The following TRPM2 variants were observed in gnomAD, a reference collection of about 807,000 sequenced individuals.
TRPM2 encodes the protein estrogen-responsive element-associated gene 1 protein.
TRPM2 carries 161 observed loss-of-function variants against 174.0 expected under a neutral mutation model. That is an observed-to-expected ratio of 0.93 (90% CI 0.81 to 1.05). The LOEUF is 1.05. TRPM2 is among the 50% of genes least tolerant of loss of function. The pLI is 0.00. For synonymous variants in TRPM2, 954 were observed against 861.3 expected (o/e 1.11, Z -1.88); for missense variants, 2,057 against 2,038.0 (o/e 1.01, Z -0.18).
At chr21:44,411,110 G>A (rs1318386433) in intron 19 of TRPM2, among the ~76,000 whole-genome samples, 1 of 152,142 alleles carries the variant, frequency 6.6e-6, no homozygotes, top group Non-Finnish European at 1.5e-5. Context: ...ATTCGGAAGT[G>A]TGAGTCCTAA....
In TRPM2 at chr21:44,367,912, C is replaced by T. The variant is rs899947864; in HGVS notation, c.604+978C>T. On this transcript the variant is annotated intron_variant, in intron 4 of 31. Transcript: ENST00000397928. The surrounding 1 kb of genome is among the most constrained non-coding windows in gnomAD (Gnocchi z 4.6). Reference sequence around the variant, plus strand: ...CCTGGTCACATGGGACTGGGTTTAACGCAGGTCACCATCCCACAGGCTCTT... The same window carrying T: ...CCTGGTCACATGGGACTGGGTTTAATGCAGGTCACCATCCCACAGGCTCTT... 1.3e-5 allele frequency among the ~76,000 whole-genome samples: 2 copies of T among 152,204 alleles called. No individual in the cohort carries two copies. Among genetic ancestry groups the T allele is most frequent in the Non-Finnish European group, 1.5e-5 (1 of 68,038 alleles).
intron 19 of TRPM2, among the ~76,000 whole-genome samples, chr21:44,407,772 C>T (rs996087415): frequency 1.4e-4 from 21 of 151,694 alleles, no homozygotes; most frequent in African/African-American, 3.1e-4. Flanking sequence ...ATTTACTTCC[C>T]GTTTATGGCT....
At chr21:44,419,242 C>A (rs2050425028) in intron 22 of TRPM2, among the ~76,000 whole-genome samples, 1 of 152,134 alleles carries the variant, frequency 6.6e-6, no homozygotes, top group African/African-American at 2.4e-5. Flanking sequence ...TGTGGAGGCT[C>A]CTGCAGCCAC....
chr21:44,355,142 T>A (rs2048018671), intron 2 of TRPM2, among the ~76,000 whole-genome samples: 1 of 152,126 alleles, frequency 6.6e-6, no homozygotes. Flanking sequence ...GCCAGAAGAC[T>A]GCCCCCCTGC....
In TRPM2 at chr21:44,375,874, A is replaced by G; in HGVS notation, c.813A>G (p.Gln271=). 1.9e-6 allele frequency: 3 copies of G among 1,614,036 alleles called. No homozygotes were observed. The highest frequency in any genetic ancestry group is 1.7e-6 in the Non-Finnish European group (2 of 1,179,998). The change falls in exon 6 of 32, where the codon CAA becomes CAG. Residue 271 remains glutamine (Q), a synonymous_variant. Transcript: ENST00000397928. ...AGTACATACTGGATGAGGATGGCCA[A>G]GGGAACCTGACCTGCCTAGACAGCA... ...PAEYILDEDG[Q]GNLTCLDSNH...
intron 24 of TRPM2, chr21:44,425,436 C>T (rs752572486): frequency 1.5e-5 from 7 of 465,452 alleles, no homozygotes; most frequent in Admixed American, 7.6e-5. Flanking sequence ...CCCTGACTGC[C>T]GCTGCACAAA....
chr21:44,406,614 C>T lies in TRPM2; in HGVS notation c.2811C>T (p.Phe937=). The T allele has an allele frequency of 1.2e-6, 2 of 1,610,472 alleles. No individual in the cohort carries two copies. The highest frequency in any genetic ancestry group is 1.7e-6 in the Non-Finnish European group (2 of 1,179,356). Residue 937 remains phenylalanine (F), a synonymous_variant, in exon 19 of 32, where the codon TTC becomes TTT. Transcript: ENST00000397928. ...VKRMMKDVFF[F]LFLLAVWVVS... Reference sequence around the variant, plus strand: ...TGCAGATGAAGGACGTCTTCTTCTTCCTCTTCCTGCTGGCTGTGTGGGTGG... The same window carrying T: ...TGCAGATGAAGGACGTCTTCTTCTTTCTCTTCCTGCTGGCTGTGTGGGTGG...
chr21:44,368,652 G>C (rs1406021217), intron 4 of TRPM2, among the ~76,000 whole-genome samples: 5 of 151,680 alleles, frequency 3.3e-5, no homozygotes, highest in Non-Finnish European at 7.4e-5. Context: ...GGCTGGTCTC[G>C]AACTCCTGAC....
chr21:44,404,612 T>A (rs1432850608), intron 16 of TRPM2, among the ~76,000 whole-genome samples: 2 of 152,174 alleles, frequency 1.3e-5, no homozygotes, highest in South Asian at 4.1e-4. Context: ...ATGATAGTGA[T>A]GATAGTGATA....
In TRPM2 at chr21:44,390,965, G is replaced by A. The variant is rs144644492; in HGVS notation, c.1380G>A (p.Val460=). The change falls in exon 10 of 32, where the codon GTG becomes GTA. Residue 460 remains valine (V), a synonymous_variant. Coordinates refer to ENST00000397928, the MANE Select transcript of TRPM2 (RefSeq NM_003307.4). ...GGGACCACCAGCTGAAACTGGCAGT[G>A]GCATGGAATCGCGTGGACATTGCCC... ...ENWDHQLKLA[V]AWNRVDIARS... 2.1e-4 allele frequency: 347 copies of A among 1,614,130 alleles called. 1 individual carries two copies. In the Middle Eastern group the frequency reaches 3.6e-3, roughly 17 times the overall value.
rs564162743 is a variant in TRPM2, at chr21:44,428,020, C to T, written c.3974+909C>T. 6.6e-5 allele frequency among the ~76,000 whole-genome samples: 10 copies of T among 152,226 alleles called. No individual in the cohort carries two copies. The South Asian group carries it at 8.3e-4, about 13-fold the overall frequency. ...AACAAGGCGTGAGCACCTGCTCTCACGGGTGGCTGCCACACAGGCAGGTGT... is the reference window on the plus strand; with the variant it reads ...AACAAGGCGTGAGCACCTGCTCTCATGGGTGGCTGCCACACAGGCAGGTGT... On this transcript the variant is annotated intron_variant, in intron 27 of 31. Coordinates refer to ENST00000397928, the MANE Select transcript of TRPM2 (RefSeq NM_003307.4).
At position 44,369,269 on chromosome 21, in the gene TRPM2, G is replaced by A. The variant is rs375378003; in HGVS notation, c.697G>A (p.Glu233Lys). Residue 233 changes from glutamate to lysine, a missense_variant, in exon 5 of 32, where the codon GAA becomes AAA. Transcript: ENST00000397928. ...CTTCAGCCTGAGCAGCAGCTACAAGGAAGGCGAGCTCATCACCATCGGAGT... is the reference window on the plus strand; with the variant it reads ...CTTCAGCCTGAGCAGCAGCTACAAGAAAGGCGAGCTCATCACCATCGGAGT... ...RDFSLSSSYK[E>K]GELITIGVAT... 2 of 1,613,736 alleles carry A rather than the reference G, an allele frequency of 1.2e-6. No individual in the cohort carries two copies. Among genetic ancestry groups the A allele is most frequent in the African/African-American group, 1.3e-5 (1 of 74,920 alleles).
At chr21:44,436,748 C>G (rs936917575) in intron 28 of TRPM2, among the ~76,000 whole-genome samples, 1 of 151,916 alleles carries the variant, frequency 6.6e-6, no homozygotes, top group Non-Finnish European at 1.5e-5. Flanking sequence ...CTGGCATTTT[C>G]TAAGAGTGGT....
rs879029360 is a variant in TRPM2 at position 44,432,323 on chromosome 21, C to T, written c.3975-2808C>T. ...CTTCGTGTTCCTTGGCTTGTGATCTCTGCCTCCCTAGCCACATGGCCTCTC... is the reference window on the plus strand; with the variant it reads ...CTTCGTGTTCCTTGGCTTGTGATCTTTGCCTCCCTAGCCACATGGCCTCTC... On this transcript the variant is annotated intron_variant, in intron 27 of 31. Transcript: ENST00000397928. The surrounding 1 kb of genome is among the most constrained non-coding windows in gnomAD (Gnocchi z 4.9). 2.6e-5 allele frequency among the ~76,000 whole-genome samples: 4 copies of T among 152,208 alleles called. No individual in the cohort carries two copies. Among genetic ancestry groups the T allele is most frequent in the Admixed American group, 2.0e-4 (3 of 15,288 alleles).
chr21:44,404,212 GAC>G (rs760749737), intron 16 of TRPM2, among the ~76,000 whole-genome samples: 23 of 150,160 alleles, frequency 1.5e-4, no homozygotes, highest in South Asian at 2.1e-4. Flanking sequence ...TATACACAGA[GAC>G]ACACAGATAC....
In TRPM2 at chr21:44,366,186, G is replaced by A. The variant is rs2048355659; in HGVS notation, c.424-568G>A. On this transcript the variant is annotated intron_variant, in intron 3 of 31. Transcript: ENST00000397928. This position sits in a 1 kb window ranked among gnomAD's most constrained non-coding sequence, Gnocchi z 6.0. ...GAGAGCCGTGTTCAGACGGGAGGCA[G>A]AGGAAGCTGGGCCCACTGAGTCCCC... is the stretch of plus-strand genomic sequence containing the variant. Among the ~76,000 whole-genome samples, 1 of 152,086 alleles carries A rather than the reference G, an allele frequency of 6.6e-6. No individual in the cohort carries two copies. Among genetic ancestry groups the A allele is most frequent in the Non-Finnish European group, 1.5e-5 (1 of 68,016 alleles).
chr21:44,405,032 T>C, intron 16 of TRPM2, 110 bp from the exon 17 acceptor site: 1 of 1,408,488 alleles, frequency 7.1e-7, no homozygotes, highest in South Asian at 1.2e-5. Context: ...GTGATAGTGA[T>C]GATAGTGACA....
At chr21:44,434,227 G>A (rs1401298800) in intron 27 of TRPM2, among the ~76,000 whole-genome samples, 8 of 152,300 alleles carry the variant, frequency 5.3e-5, no homozygotes, top group African/African-American at 1.9e-4. Context: ...TGGCATGGAT[G>A]GTGGTGGGGA....
chr21:44,354,706 T>C lies in TRPM2; in HGVS notation c.224T>C (p.Phe75Ser), dbSNP rs764971860. 5 of 1,614,194 alleles carry C rather than the reference T, an allele frequency of 3.1e-6. No homozygotes were observed. The East Asian group carries it at 8.9e-5, about 29-fold the overall frequency. ...ATCAAGAAGAAAGAATGCGTGTATT[T>C]TGTGGAAAGTTCCAAACTGTCTGAT... is the stretch of plus-strand genomic sequence containing the variant. ...ENIKKKECVY[F>S]VESSKLSDAG... is the part of the protein sequence containing the mutation. The change falls in exon 2 of 32, where the codon TTT becomes TCT. Residue 75 changes from phenylalanine to serine, a missense_variant. Coordinates refer to ENST00000397928, the MANE Select transcript of TRPM2 (RefSeq NM_003307.4). This position sits in a 1 kb window ranked among gnomAD's most constrained non-coding sequence, Gnocchi z 4.3.
Sources: allele counts gnomAD v4.1 joint callset (sites outside exome capture counted in the v4.1 genomes callset), GRCh38; gene constraint gnomAD v4.1.1; non-coding constraint Gnocchi (gnomAD v3.1); transcripts MANE v1.5; gene names NCBI Gene and HGNC (gene_info 2026-07-23, HGNC 2026-07-21).